The following IFT80 variants were observed in gnomAD, a reference collection of about 807,000 sequenced individuals.
IFT80 encodes intraflagellar transport 80, also known as intraflagellar transport protein 80 homolog.
Under a neutral mutation model 107.9 loss-of-function variants are expected in IFT80, and 79 were observed. The ratio of observed to expected loss-of-function variants is 0.73; its 90% CI spans 0.61 to 0.88. The LOEUF (loss-of-function observed/expected upper bound fraction) is 0.88, where lower values mean the gene tolerates loss of function less well. Among genes scored for constraint, IFT80 ranks in the 40% least tolerant of loss-of-function variants. IFT80 has a pLI of 0.00. For missense variants in IFT80, 797 were observed against 914.2 expected (o/e 0.87, Z 1.65); for synonymous variants, 299 against 300.9 (o/e 0.99, Z 0.07).
Position 160,277,485 on chromosome 3 carries a change from A to G in IFT80, c.1927-7T>C, listed in dbSNP as rs2108226200. On this transcript the variant is annotated splice_region_variant and splice_polypyrimidine_tract_variant and intron_variant, in intron 17 of 19. Transcript: ENST00000326448. ...TGTACTGAACCTTATCAATCTAAAAAAGAAAAGAAAAATATTGAAGTAGAT... is the reference window on the plus strand; with the variant it reads ...TGTACTGAACCTTATCAATCTAAAAGAGAAAAGAAAAATATTGAAGTAGAT... 6.3e-7 allele frequency: 1 copy of G among 1,598,276 alleles called. No homozygotes were observed. The highest frequency in any genetic ancestry group is 1.1e-5 in the South Asian group (1 of 90,440).
At chr3:160,394,055 GA>G (rs1379089726) in intron 1 of IFT80, 1 of 152,244 alleles carries the variant, frequency 6.6e-6, no homozygotes, top group Admixed American at 6.5e-5. Flanking sequence ...GAAGAAAGGA[GA>G]AAGGCAAGCC....
At chr3:160,307,828 AATTTT>A (rs1207157579) in intron 9 of IFT80, 47 bp from the exon 10 acceptor site, 4 of 965,388 alleles carry the variant, frequency 4.1e-6, no homozygotes, top group Non-Finnish European at 6.7e-6. Context: ...AACATATCCA[AATTTT>A]ATTTAGATAA....
At chr3:160,388,866 C>CTTTTAAGATGTAAAGG (rs1316592699) in intron 1 of IFT80, among the ~76,000 whole-genome samples, 1 of 152,086 alleles carries the variant, frequency 6.6e-6, no homozygotes, top group African/African-American at 2.4e-5. Flanking sequence ...CCATTGCTAG[C>CTTTTAAGATGTAAAGG]TTTTAAGATG....
intron 19 of IFT80, among the ~76,000 whole-genome samples, chr3:160,261,237 T>A (rs1001999725): frequency 6.6e-6 from 1 of 152,056 alleles, no homozygotes; most frequent in African/African-American, 2.4e-5. Flanking sequence ...AACTTTGCAC[T>A]AAAACCACCT....
At chr3:160,268,074 G>A (rs1713485301) in intron 19 of IFT80, among the ~76,000 whole-genome samples, 1 of 152,146 alleles carries the variant, frequency 6.6e-6, no homozygotes, top group African/African-American at 2.4e-5. Flanking sequence ...TTCCCCTACA[G>A]CAGAAGAGGC....
intron 1 of IFT80, among the ~76,000 whole-genome samples, chr3:160,398,824 A>G (rs1201269324): frequency 6.6e-6 from 1 of 152,218 alleles, no homozygotes; most frequent in Non-Finnish European, 1.5e-5. Flanking sequence ...TTTTTCCACT[A>G]AAGAGCCTTT....
intron 1 of IFT80, among the ~76,000 whole-genome samples, chr3:160,392,543 A>C (rs542461841): frequency 7.7e-4 from 117 of 152,356 alleles, no homozygotes; most frequent in African/African-American, 2.6e-3. Context: ...TTCCAGTTAC[A>C]AACACCAAAA....
intron 5 of IFT80, among the ~76,000 whole-genome samples, chr3:160,368,425 A>G (rs1722017482): frequency 6.6e-6 from 1 of 151,396 alleles, no homozygotes; most frequent in Non-Finnish European, 1.5e-5. Flanking sequence ...AAATGTCTAA[A>G]TATCCTGTTT....
chr3:160,333,773 C>T (rs1311738526), intron 8 of IFT80, among the ~76,000 whole-genome samples: 2 of 152,128 alleles, frequency 1.3e-5, no homozygotes, highest in African/African-American at 2.4e-5. Context: ...TTACAGTTAA[C>T]TTCTTTTTAA....
intron 5 of IFT80, among the ~76,000 whole-genome samples, chr3:160,374,382 C>T (rs1389440633): frequency 6.9e-6 from 1 of 145,736 alleles, no homozygotes; most frequent in South Asian, 2.1e-4. Flanking sequence ...GTACTCCAGT[C>T]GGGAGACAGA....
At chr3:160,397,964 G>A (rs1021119390) in intron 1 of IFT80, among the ~76,000 whole-genome samples, 2 of 151,854 alleles carry the variant, frequency 1.3e-5, no homozygotes, top group African/African-American at 4.8e-5. Flanking sequence ...CAGGTGATCC[G>A]CATAGTTGAT....
intron 1 of IFT80, among the ~76,000 whole-genome samples, chr3:160,390,140 A>G (rs1713255680): frequency 1.3e-5 from 2 of 152,122 alleles, no homozygotes; most frequent in South Asian, 4.1e-4. Flanking sequence ...TTCCAGGGAC[A>G]GGCATGGTGG....
chr3:160,281,796 TG>T (rs1000200870), intron 14 of IFT80, among the ~76,000 whole-genome samples: 2 of 152,172 alleles, frequency 1.3e-5, no homozygotes, highest in African/African-American at 4.8e-5. Context: ...CCCTCCCAGG[TG>T]TTGGCAGGCC....
At chr3:160,320,772 T>C (rs1401626410) in intron 8 of IFT80, among the ~76,000 whole-genome samples, 2 of 151,922 alleles carry the variant, frequency 1.3e-5, no homozygotes, top group African/African-American at 4.8e-5. Context: ...TACATATATA[T>C]ATTTTGTTTG....
Position 160,313,745 on chromosome 3 carries a change from G to A in IFT80, c.958-5964C>T, listed in dbSNP as rs1465271025. 7.2e-5 allele frequency among the ~76,000 whole-genome samples: 11 copies of A among 151,982 alleles called. No individual in the cohort carries two copies. The East Asian group carries it at 2.1e-3, about 29-fold the overall frequency. The stretch of plus-strand genomic sequence containing the variant: ...CTGCCTCAGCCTTCTGAGTAACTGG[G>A]ACTACAGGCACAAGCCACCACGCCC... On this transcript the variant is annotated intron_variant, in intron 9 of 19. Transcript: ENST00000326448.
intron 8 of IFT80, among the ~76,000 whole-genome samples, chr3:160,323,679 A>ATT (rs1718453253): frequency 1.3e-5 from 2 of 152,152 alleles, no homozygotes; most frequent in South Asian, 4.1e-4. Context: ...GAAGCAGGAA[A>ATT]GATCCAAAAT....
chr3:160,352,587 C>T (rs1720792446), intron 8 of IFT80, among the ~76,000 whole-genome samples: 1 of 152,094 alleles, frequency 6.6e-6, no homozygotes, highest in Admixed American at 6.5e-5. Flanking sequence ...TACCACTTCA[C>T]AGAGCCTCAT....
chr3:160,372,256 T>C (rs1175496764), intron 5 of IFT80, among the ~76,000 whole-genome samples: 1 of 152,218 alleles, frequency 6.6e-6, no homozygotes, highest in Non-Finnish European at 1.5e-5. Context: ...TATTATTTCA[T>C]TTTTGTGTCA....
At chr3:160,328,727 A>G (rs554822790) in intron 8 of IFT80, among the ~76,000 whole-genome samples, 2 of 152,296 alleles carry the variant, frequency 1.3e-5, no homozygotes, top group Admixed American at 6.5e-5. Flanking sequence ...AAAGACATGG[A>G]ATCAACCTAA....
Sources: allele counts gnomAD v4.1 joint callset (sites outside exome capture counted in the v4.1 genomes callset), GRCh38; gene constraint gnomAD v4.1.1; transcripts MANE v1.5; gene names NCBI Gene and HGNC (gene_info 2026-07-23, HGNC 2026-07-21).